LARGE1: variants seen among roughly 807,000 people sequenced by gnomAD.
LARGE1 encodes xylosyl- and glucuronyltransferase LARGE1.
LARGE1 carries 43 observed loss-of-function variants against 87.6 expected under a neutral mutation model. That is an observed-to-expected ratio of 0.49 (90% CI 0.38 to 0.63). The LOEUF (loss-of-function observed/expected upper bound fraction) is 0.63, where lower values mean the gene tolerates loss of function less well. LARGE1 is among the 30% of genes least tolerant of loss of function. LARGE1 has a pLI of 0.00. For missense variants in LARGE1, 802 were observed against 1,000.2 expected, an observed-to-expected ratio of 0.80 and a Z score of 2.67; for synonymous variants, 434 against 394.6, an observed-to-expected ratio of 1.10 and a Z score of -1.18.
intron 1 of LARGE1, among the ~76,000 whole-genome samples, chr22:33,824,106 T>C (rs2062713656): frequency 6.6e-6 from 1 of 152,244 alleles, no homozygotes; most frequent in Non-Finnish European, 1.5e-5. Context: ...AAAAGGTTGA[T>C]GCCACATGCC....
chr22:33,077,995 C>T, the LARGE1 span, among the ~76,000 whole-genome samples: 1 of 151,588 alleles, frequency 6.6e-6, no homozygotes, highest in Non-Finnish European at 1.5e-5. Context: ...ACTGCATGTA[C>T]TATTTGCAAT....
intron 12 of LARGE1, among the ~76,000 whole-genome samples, chr22:33,293,841 T>C (rs1017801449): frequency 1.3e-5 from 2 of 152,050 alleles, no homozygotes. Flanking sequence ...CACCCATGAG[T>C]CTCTCAAACT....
Position 33,350,646 on chromosome 22 carries a change from C to T in LARGE1, c.1132-12845G>A, listed in dbSNP as rs2267194. ...CCTTGGGGGTGGGCACCGTAGGATT[C>T]GCTGCTTGGAAACCCTGGGAGAGGC... On this transcript the variant is annotated intron_variant, in intron 9 of 14. Coordinates refer to ENST00000397394, the MANE Select transcript of LARGE1 (RefSeq NM_133642.5). 9.8e-5 allele frequency among the ~76,000 whole-genome samples: 15 copies of T among 152,300 alleles called. No homozygotes were observed. The East Asian group carries it at 2.1e-3, about 22-fold the overall frequency.
chr22:33,760,625 T>G (rs2084691887), intron 2 of LARGE1, among the ~76,000 whole-genome samples: 1 of 152,126 alleles, frequency 6.6e-6, no homozygotes, highest in African/African-American at 2.4e-5. Context: ...AGGCATCCAA[T>G]AATAACAACA....
At chr22:33,422,106 C>T (rs1228026145) in intron 7 of LARGE1, among the ~76,000 whole-genome samples, 3 of 152,230 alleles carry the variant, frequency 2.0e-5, no homozygotes, top group African/African-American at 7.2e-5. Flanking sequence ...AGCTTTGCAT[C>T]CAGCCAGCCT....
At chr22:33,120,396 T>TTCTTTCTTTCTTTC in the LARGE1 span, among the ~76,000 whole-genome samples, 1 of 98,532 alleles carries the variant, frequency 1.0e-5, no homozygotes, top group Non-Finnish European at 2.0e-5. Context: ...CTTTCTTTCT[T>TTCTTTCTTTCTTTC]TCTTTCTTTC....
intron 1 of LARGE1, among the ~76,000 whole-genome samples, chr22:33,772,701 T>A (rs1203839174): frequency 6.6e-6 from 1 of 152,160 alleles, no homozygotes; most frequent in Non-Finnish European, 1.5e-5. Flanking sequence ...CTCATCAAAT[T>A]TCTAAATTAA....
rs577979720 is a variant in LARGE1, at chr22:33,771,174, CT to C, written c.-82-9617del. 4.8e-3 allele frequency among the ~76,000 whole-genome samples: 670 copies of C among 140,528 alleles called. 3 individuals carry two copies. Among genetic ancestry groups the C allele is most frequent in the African/African-American group, 0.011 (404 of 38,450 alleles). The allele number at this position is 140,528 out of a possible 152,430, so 92.2% of individuals were successfully genotyped here. A position where few individuals can be genotyped will look rare whatever the true frequency, so the allele number is the denominator to read the frequency against. ...CTCTCTATCCAGGTCTATTTTTTTGCTTTTTTTTTTTTTTGTATTCTCTCTT... is the reference window on the plus strand; with the variant it reads ...CTCTCTATCCAGGTCTATTTTTTTGCTTTTTTTTTTTTTGTATTCTCTCTT... On this transcript the variant is annotated intron_variant, in intron 1 of 14. Transcript: ENST00000397394.
intron 9 of LARGE1, among the ~76,000 whole-genome samples, chr22:33,341,181 A>T (rs1939105592): frequency 6.6e-6 from 1 of 152,070 alleles, no homozygotes; most frequent in Non-Finnish European, 1.5e-5. Flanking sequence ...GCGCCCTTAG[A>T]AAAGACACCC....
chr22:33,089,366 CTTCTCCTTCTTCTTCTTCTTCCTCT>C, the LARGE1 span, among the ~76,000 whole-genome samples: 1 of 63,350 alleles, frequency 1.6e-5, no homozygotes, highest in African/African-American at 7.5e-5. Context: ...TCTTCTTCTT[CTTCTCCTTCTTCTTCTTCTTCCTCT>C]TCTTCTTCTT....
At chr22:33,718,845 C>T (rs1227678302) in intron 2 of LARGE1, among the ~76,000 whole-genome samples, 1 of 152,178 alleles carries the variant, frequency 6.6e-6, no homozygotes, top group Non-Finnish European at 1.5e-5. Context: ...GGCTGGAGTG[C>T]AGTGGCATGA....
At chr22:33,393,775 T>C (rs924199179) in intron 7 of LARGE1, among the ~76,000 whole-genome samples, 2 of 152,218 alleles carry the variant, frequency 1.3e-5, no homozygotes, top group African/African-American at 2.4e-5. Flanking sequence ...TGACAAGGAC[T>C]GTCAAGGGAG....
chr22:33,910,135 C>T (rs1443091487), intron 1 of LARGE1, among the ~76,000 whole-genome samples: 13 of 152,152 alleles, frequency 8.5e-5, no homozygotes, highest in Admixed American at 8.5e-4. Context: ...ATTTAATCTT[C>T]TATTGTTGCT....
At chr22:33,236,872 G>A (rs1034972836) in intron 11 of LARGE1, among the ~76,000 whole-genome samples, 16 of 152,124 alleles carry the variant, frequency 1.1e-4, no homozygotes, top group African/African-American at 3.4e-4. Flanking sequence ...TTAAGTAAGC[G>A]TCCTGGGCCT....
downstream of LARGE1, among the ~76,000 whole-genome samples, chr22:33,270,794 A>T (rs1928202271): frequency 6.6e-6 from 1 of 152,224 alleles, no homozygotes; most frequent in South Asian, 2.1e-4. Flanking sequence ...ACAGAATTAA[A>T]GTAGGGTCTG....
chr22:33,649,614 T>A lies in LARGE1; in HGVS notation c.408+753A>T, dbSNP rs150017822. ...AGAAGTTATGCAACTGGATCAAGGG[T>A]ACTCTCTGCATAAATCACTAAAGCT... On this transcript the variant is annotated intron_variant, in intron 3 of 14. Coordinates refer to ENST00000397394, the MANE Select transcript of LARGE1 (RefSeq NM_133642.5). 5.5e-4 allele frequency among the ~76,000 whole-genome samples: 83 copies of A among 152,290 alleles called. No homozygotes were observed. The East Asian group carries it at 0.016, about 29-fold the overall frequency.
intron 6 of LARGE1, among the ~76,000 whole-genome samples, chr22:33,550,180 T>C (rs12168412): frequency 0.039 from 4,549 of 117,936 alleles, 85 homozygotes; most frequent in East Asian, 0.17. Context: ...CACACACATA[T>C]ATATATATGT....
the LARGE1 span, among the ~76,000 whole-genome samples, chr22:33,076,409 C>T: frequency 2.1e-3 from 323 of 152,244 alleles, 1 homozygote; most frequent in Admixed American, 4.7e-3. Flanking sequence ...CTTGTGGATG[C>T]AATTTTCATT....
At chr22:33,829,072 G>C (rs1195284757) in intron 1 of LARGE1, among the ~76,000 whole-genome samples, 1 of 137,110 alleles carries the variant, frequency 7.3e-6, no homozygotes, top group Non-Finnish European at 1.5e-5. Flanking sequence ...GCAGTGGCGT[G>C]ATCTCGGCTC....
Sources: gnomAD v4.1 joint callset for allele counts (sites outside exome capture counted in the v4.1 genomes callset) on GRCh38, gnomAD v4.1.1 for gene constraint, MANE v1.5 for transcripts, NCBI Gene and HGNC (gene_info 2026-07-23, HGNC 2026-07-21) for gene names.